The following XKR6 variants were observed in gnomAD, a reference collection of about 807,000 sequenced individuals.
XKR6 encodes the protein XK-related protein 6.
XKR6 carries 22 observed loss-of-function variants against 56.7 expected under a neutral mutation model. The observed-to-expected ratio is 0.39, with a 90% confidence interval of 0.28 to 0.55. The LOEUF (loss-of-function observed/expected upper bound fraction) is 0.55. Ranked by LOEUF, XKR6 falls within the 20% of genes least tolerant of loss-of-function variation. The pLI, the probability that XKR6 is intolerant of heterozygous loss-of-function variation, is 0.66. For synonymous variants in XKR6, 524 were observed against 387.8 expected (o/e 1.35, Z -4.13); for missense variants, 852 against 889.0 (o/e 0.96, Z 0.53).
At chr8:11,159,896 G>A (rs549095292) in intron 1 of XKR6, among the ~76,000 whole-genome samples, 8 of 152,080 alleles carry the variant, frequency 5.3e-5, no homozygotes, top group Non-Finnish European at 1.2e-4. Flanking sequence ...GCTTAGACCC[G>A]CTGCAGCTAT....
chr8:11,107,461 A>C (rs1242195745), intron 1 of XKR6, among the ~76,000 whole-genome samples: 1 of 152,156 alleles, frequency 6.6e-6, no homozygotes, highest in East Asian at 1.9e-4. Flanking sequence ...CTAGGATTTT[A>C]GGCGTGAGCC....
chr8:11,179,761 G>A (rs772194171), intron 1 of XKR6, among the ~76,000 whole-genome samples: 24 of 152,184 alleles, frequency 1.6e-4, no homozygotes, highest in African/African-American at 4.8e-4. Flanking sequence ...AAATTACTGT[G>A]CAGGAGACAA....
At chr8:11,186,068 G>A (rs950960509) in intron 1 of XKR6, among the ~76,000 whole-genome samples, 4 of 152,146 alleles carry the variant, frequency 2.6e-5, no homozygotes, top group Non-Finnish European at 5.9e-5. Context: ...TACAGAAAAA[G>A]CTTGCCAAGT....
chr8:10,951,349 G>T (rs1361020397), intron 1 of XKR6, among the ~76,000 whole-genome samples: 1 of 151,292 alleles, frequency 6.6e-6, no homozygotes, highest in African/African-American at 2.5e-5. Context: ...ACCAGAATGG[G>T]ACAAGGTGCT....
intron 1 of XKR6, among the ~76,000 whole-genome samples, chr8:11,133,286 T>A (rs1800207057): frequency 6.6e-6 from 1 of 152,160 alleles, no homozygotes; most frequent in Non-Finnish European, 1.5e-5. Flanking sequence ...CGGCGTCAGC[T>A]TCACATCAGG....
chr8:10,922,368 T>C (rs1389898047), intron 2 of XKR6, among the ~76,000 whole-genome samples: 1 of 152,194 alleles, frequency 6.6e-6, no homozygotes, highest in East Asian at 1.9e-4. Flanking sequence ...AGGTTGGATA[T>C]GGAGGCCTCA....
chr8:11,059,217 G>C (rs555594321), intron 1 of XKR6, among the ~76,000 whole-genome samples: 1 of 152,222 alleles, frequency 6.6e-6, no homozygotes, highest in South Asian at 2.1e-4. Context: ...CGCTCCCCAA[G>C]CTGCGACCCC....
chr8:11,059,517 C>T (rs1205555473), intron 1 of XKR6, among the ~76,000 whole-genome samples: 1 of 152,084 alleles, frequency 6.6e-6, no homozygotes, highest in Admixed American at 6.5e-5. Flanking sequence ...CGGGCGGCGC[C>T]GCTCCAGTGT....
At chr8:10,980,809 T>A (rs1447846128) in intron 1 of XKR6, among the ~76,000 whole-genome samples, 1 of 152,198 alleles carries the variant, frequency 6.6e-6, no homozygotes, top group Non-Finnish European at 1.5e-5. Flanking sequence ...ACAATATCTA[T>A]TCCTGTTGCA....
intron 1 of XKR6, among the ~76,000 whole-genome samples, chr8:11,090,770 TC>T (rs199686460): frequency 7.4e-4 from 102 of 137,084 alleles, no homozygotes; most frequent in Non-Finnish European, 1.3e-3. Flanking sequence ...CTTTATAAAT[TC>T]TGAACACCAA....
At chr8:11,119,837 C>G (rs1228005679) in intron 1 of XKR6, among the ~76,000 whole-genome samples, 1 of 152,160 alleles carries the variant, frequency 6.6e-6, no homozygotes, top group East Asian at 1.9e-4. Context: ...GCTTATCCAC[C>G]ATGATCAAGT....
At chr8:11,004,270 G>A (rs575412891) in intron 1 of XKR6, among the ~76,000 whole-genome samples, 31 of 152,214 alleles carry the variant, frequency 2.0e-4, no homozygotes, top group Admixed American at 8.5e-4. Flanking sequence ...TCAGGAGTTC[G>A]AGACCAGCCT....
At chr8:11,022,714 G>T (rs1031822489) in intron 1 of XKR6, among the ~76,000 whole-genome samples, 2 of 152,120 alleles carry the variant, frequency 1.3e-5, no homozygotes, top group African/African-American at 4.8e-5. Flanking sequence ...CTTGCGCAAG[G>T]CCCTGCAATT....
rs1029959179 is a variant in XKR6, at chr8:11,038,895, G to T, written c.765-114065C>A. Among the ~76,000 whole-genome samples the T allele has an allele frequency of 2.0e-5, 3 of 152,104 alleles. No individual in the cohort carries two copies. In the East Asian group the frequency reaches 5.8e-4, roughly 29 times the overall value. On this transcript the variant is annotated intron_variant, in intron 1 of 2. Transcript: ENST00000416569. ...TTTAGATTGGCTTAGTTTGGCCAGAGGCAGCTAGGTGGGCTTCTGAGGCTT... is the reference window on the plus strand; with the variant it reads ...TTTAGATTGGCTTAGTTTGGCCAGATGCAGCTAGGTGGGCTTCTGAGGCTT...
chr8:10,949,492 G>A lies in XKR6; in HGVS notation c.765-24662C>T, dbSNP rs547504166. On this transcript the variant is annotated intron_variant, in intron 1 of 2. Coordinates refer to ENST00000416569, the MANE Select transcript of XKR6 (RefSeq NM_173683.4). Reference sequence around the variant, plus strand: ...CCCCAGGGCTCTGAGCTCTCGCTCTGTAGCCAGGAAGGCACACCTGTTCCT... The same window carrying A: ...CCCCAGGGCTCTGAGCTCTCGCTCTATAGCCAGGAAGGCACACCTGTTCCT... 5.2e-4 allele frequency among the ~76,000 whole-genome samples: 79 copies of A among 152,348 alleles called. 2 individuals are homozygous for A. The highest frequency in any genetic ancestry group is 1.9e-3 in the African/African-American group (78 of 41,584).
intron 1 of XKR6, among the ~76,000 whole-genome samples, chr8:11,021,645 CAT>C (rs1227070961): frequency 6.6e-6 from 1 of 152,116 alleles, no homozygotes; most frequent in African/African-American, 2.4e-5. Flanking sequence ...CTCCAGAGTC[CAT>C]AGAGACTTTG....
intron 1 of XKR6, among the ~76,000 whole-genome samples, chr8:11,051,764 G>A (rs549081932): frequency 6.6e-5 from 10 of 152,142 alleles, no homozygotes; most frequent in African/African-American, 2.2e-4. Flanking sequence ...TAAGACTGCA[G>A]CCCTCCAGTG....
chr8:10,978,586 G>A (rs1797649022), intron 1 of XKR6, among the ~76,000 whole-genome samples: 2 of 152,228 alleles, frequency 1.3e-5, no homozygotes, highest in Admixed American at 6.5e-5. Context: ...GGCACCCCAA[G>A]ACACTCGGCC....
intron 1 of XKR6, among the ~76,000 whole-genome samples, chr8:11,111,216 T>C (rs1798875171): frequency 6.6e-6 from 1 of 152,000 alleles, no homozygotes; most frequent in Non-Finnish European, 1.5e-5. Flanking sequence ...GTCCTTCTCC[T>C]CCCTTCCATT....
Sources: allele counts gnomAD v4.1 joint callset (sites outside exome capture counted in the v4.1 genomes callset), GRCh38; gene constraint gnomAD v4.1.1; transcripts MANE v1.5; gene names NCBI Gene and HGNC (gene_info 2026-07-23, HGNC 2026-07-21).